NRG1: variants seen among roughly 807,000 people sequenced by gnomAD.
NRG1 encodes pro-neuregulin-1, membrane-bound isoform.
NRG1 carries 18 observed loss-of-function variants against 63.8 expected under a neutral mutation model. The observed-to-expected ratio is 0.28, with a 90% confidence interval of 0.19 to 0.42. The LOEUF is 0.42. NRG1 is among the 10% of genes least tolerant of loss of function. The pLI is 1.00. For synonymous variants in NRG1, 302 were observed against 301.3 expected (o/e 1.00, Z -0.02); for missense variants, 762 against 814.7 (o/e 0.94, Z 0.79).
chr8:31,835,333 C>T (rs1413484130), intron 1 of NRG1, among the ~76,000 whole-genome samples: 1 of 152,160 alleles, frequency 6.6e-6, no homozygotes, highest in African/African-American at 2.4e-5. Flanking sequence ...AACATGGCCT[C>T]TAGAATCTCG....
At chr8:32,164,195 C>T (rs1197472776) in intron 1 of NRG1, among the ~76,000 whole-genome samples, 2 of 151,198 alleles carry the variant, frequency 1.3e-5, no homozygotes, top group African/African-American at 4.9e-5. Context: ...ATTATTATGT[C>T]ATCAGCTATA....
intron 1 of NRG1, among the ~76,000 whole-genome samples, chr8:32,168,056 C>G (rs1839591613): frequency 6.6e-6 from 1 of 152,084 alleles, no homozygotes; most frequent in African/African-American, 2.4e-5. Context: ...CTGCCCACAT[C>G]CCACATTGTT....
intron 5 of NRG1, among the ~76,000 whole-genome samples, chr8:32,674,578 C>T (rs1806561752): frequency 6.6e-6 from 1 of 152,142 alleles, no homozygotes; most frequent in Admixed American, 6.5e-5. Context: ...CTCTGATGCT[C>T]TTTTTAGAGC....
chr8:31,656,836 A>G (rs1805479339), intron 1 of NRG1, among the ~76,000 whole-genome samples: 1 of 152,182 alleles, frequency 6.6e-6, no homozygotes, highest in Admixed American at 6.5e-5. Flanking sequence ...CCCAGGTCCT[A>G]TGAGAATACA....
intron 1 of NRG1, among the ~76,000 whole-genome samples, chr8:32,316,280 A>T (rs916707583): frequency 6.6e-6 from 1 of 152,178 alleles, no homozygotes; most frequent in African/African-American, 2.4e-5. Context: ...GATCAAGACC[A>T]TTCTGGCCAA....
At chr8:32,226,380 G>A (rs1038202631) in intron 1 of NRG1, among the ~76,000 whole-genome samples, 11 of 152,086 alleles carry the variant, frequency 7.2e-5, no homozygotes, top group South Asian at 2.1e-4. Context: ...GGCTCGCTAC[G>A]TATGTGTGTT....
intron 1 of NRG1, among the ~76,000 whole-genome samples, chr8:31,722,195 C>T (rs1471025030): frequency 2.0e-5 from 3 of 152,094 alleles, no homozygotes; most frequent in Non-Finnish European, 4.4e-5. Context: ...CCCACTCAGA[C>T]CAGATCTAAC....
chr8:31,939,882 A>G (rs1317207468), intron 1 of NRG1, among the ~76,000 whole-genome samples: 1 of 152,198 alleles, frequency 6.6e-6, no homozygotes, highest in Non-Finnish European at 1.5e-5. Context: ...TTCTAAATAT[A>G]TAAGCACCTA....
intron 1 of NRG1, among the ~76,000 whole-genome samples, chr8:32,033,091 ATTTTTTTTTT>A (rs898802902): frequency 9.0e-6 from 1 of 111,610 alleles, no homozygotes; most frequent in Non-Finnish European, 1.9e-5. Flanking sequence ...TGTGCAGTCT[ATTTTTTTTTT>A]TTTTTTTTTT....
chr8:32,296,131 G>T (rs909235904), intron 1 of NRG1, among the ~76,000 whole-genome samples: 2 of 152,022 alleles, frequency 1.3e-5, no homozygotes, highest in African/African-American at 4.8e-5. Flanking sequence ...GACAAAACAT[G>T]TGCACATTTT....
chr8:31,944,486 T>C (rs1802238720), intron 1 of NRG1, among the ~76,000 whole-genome samples: 1 of 152,208 alleles, frequency 6.6e-6, no homozygotes, highest in African/African-American at 2.4e-5. Flanking sequence ...CTCTTAACTT[T>C]CCAAGTTAGT....
chr8:32,199,098 A>T (rs1843243296), intron 1 of NRG1, among the ~76,000 whole-genome samples: 1 of 151,868 alleles, frequency 6.6e-6, no homozygotes, highest in African/African-American at 2.4e-5. Flanking sequence ...ATTGCTTCAG[A>T]TTTTTGTCTG....
At chr8:31,985,490 T>C (rs16878611) in intron 1 of NRG1, among the ~76,000 whole-genome samples, 4,081 of 152,200 alleles carry the variant, frequency 0.027, 118 homozygotes, top group African/African-American at 0.073. Context: ...TGTATGATGT[T>C]ACCATTTATT....
At chr8:32,691,228 C>T (rs181584652) in intron 5 of NRG1, among the ~76,000 whole-genome samples, 10 of 152,104 alleles carry the variant, frequency 6.6e-5, no homozygotes, top group Admixed American at 4.6e-4. Flanking sequence ...GACATGGTGG[C>T]GGGCGCCTGT....
intron 1 of NRG1, among the ~76,000 whole-genome samples, chr8:31,785,970 A>T (rs1423650488): frequency 6.6e-6 from 1 of 152,230 alleles, no homozygotes; most frequent in East Asian, 1.9e-4. Flanking sequence ...AAAAATAATT[A>T]TTCACAGCGT....
chr8:32,222,932 C>T (rs1845975305), intron 1 of NRG1, among the ~76,000 whole-genome samples: 1 of 152,132 alleles, frequency 6.6e-6, no homozygotes, highest in South Asian at 2.1e-4. Flanking sequence ...GCAATGTTGC[C>T]AATCCGAGAA....
intron 1 of NRG1, among the ~76,000 whole-genome samples, chr8:32,448,829 A>G (rs1047100700): frequency 6.6e-6 from 1 of 151,944 alleles, no homozygotes; most frequent in Non-Finnish European, 1.5e-5. Flanking sequence ...CTCATTGTTT[A>G]CTCTATTCTG....
intron 1 of NRG1, among the ~76,000 whole-genome samples, chr8:31,842,481 C>T (rs1393069995): frequency 6.6e-6 from 1 of 152,170 alleles, no homozygotes; most frequent in Non-Finnish European, 1.5e-5. Flanking sequence ...CCTAATTTAG[C>T]TGTGGGAAGT....
At chr8:32,271,118 TTTCAGCCCTGC>T (rs1177814633) in intron 1 of NRG1, among the ~76,000 whole-genome samples, 1 of 152,116 alleles carries the variant, frequency 6.6e-6, no homozygotes, top group Non-Finnish European at 1.5e-5. Context: ...TCCTTTACCT[TTTCAGCCCTGC>T]TTCAGCCCTA....
Sources: allele counts gnomAD v4.1 joint callset (sites outside exome capture counted in the v4.1 genomes callset), GRCh38; gene constraint gnomAD v4.1.1; transcripts MANE v1.5; gene names NCBI Gene and HGNC (gene_info 2026-07-23, HGNC 2026-07-21).